VEPH1: variants seen among roughly 807,000 people sequenced by gnomAD.
The protein encoded by VEPH1 is ventricular zone expressed PH domain containing 1.
Under a neutral mutation model 85.2 loss-of-function variants are expected in VEPH1, and 80 were observed. That is an observed-to-expected ratio of 0.94 (90% CI 0.78 to 1.13). The LOEUF (loss-of-function observed/expected upper bound fraction) is 1.13. Among genes scored for constraint, VEPH1 ranks in the 50% most tolerant of loss-of-function variants. The probability of loss-of-function intolerance (pLI) is 0.00; values close to 1 mark genes in which losing one functional copy is unlikely to be tolerated. For synonymous variants in VEPH1, 297 were observed against 348.0 expected (o/e 0.85, Z 1.63); for missense variants, 955 against 980.5 (o/e 0.97, Z 0.35).
At chr3:157,468,961 A>G (rs1736658142) in intron 3 of VEPH1, among the ~76,000 whole-genome samples, 1 of 152,182 alleles carries the variant, frequency 6.6e-6, no homozygotes, top group Admixed American at 6.5e-5. Flanking sequence ...TCTATTCGAT[A>G]GTGCTGCCCT....
chr3:157,370,285 G>A (rs986406861), intron 7 of VEPH1, among the ~76,000 whole-genome samples: 11 of 152,108 alleles, frequency 7.2e-5, no homozygotes, highest in Non-Finnish European at 1.5e-5. Context: ...GGCAGGGGGT[G>A]GAAAGATTGG....
intron 9 of VEPH1, among the ~76,000 whole-genome samples, chr3:157,329,610 AAC>A (rs1722282713): frequency 6.8e-6 from 1 of 146,076 alleles, no homozygotes; most frequent in Non-Finnish European, 1.5e-5. Context: ...ATTAATATTA[AAC>A]AGAGTTGCCT....
At chr3:157,334,506 T>G (rs899782902) in intron 9 of VEPH1, among the ~76,000 whole-genome samples, 7 of 152,176 alleles carry the variant, frequency 4.6e-5, no homozygotes, top group African/African-American at 1.7e-4. Context: ...GCCATTAAGC[T>G]TGAGGAAGGT....
At chr3:157,262,214 A>G (rs1209397534) in intron 13 of VEPH1, among the ~76,000 whole-genome samples, 1 of 152,110 alleles carries the variant, frequency 6.6e-6, no homozygotes, top group Non-Finnish European at 1.5e-5. Flanking sequence ...CAAAAAAGCA[A>G]TTCCAACTAT....
At chr3:157,363,048 A>G (rs181265646) in intron 9 of VEPH1, among the ~76,000 whole-genome samples, 22 of 152,276 alleles carry the variant, frequency 1.4e-4, no homozygotes, top group African/African-American at 4.3e-4. Flanking sequence ...AGCCGGCTTC[A>G]GGGTCACAGA....
At position 157,471,962 on chromosome 3, in the gene VEPH1, A is replaced by G. The variant is rs557672550; in HGVS notation, c.139-1433T>C. ...TTGAAAGGTAATACATAAACATCGT[A>G]CAAAAATTCAAAAGATGCAAAGAAA... On this transcript the variant is annotated intron_variant, in intron 2 of 13. Coordinates refer to ENST00000362010, the MANE Select transcript of VEPH1 (RefSeq NM_001167912.2). 7.2e-5 allele frequency among the ~76,000 whole-genome samples: 11 copies of G among 152,294 alleles called. No individual in the cohort carries two copies. The South Asian group carries it at 2.3e-3, about 32-fold the overall frequency.
At chr3:157,353,338 T>C (rs549954434) in intron 9 of VEPH1, among the ~76,000 whole-genome samples, 348 of 152,214 alleles carry the variant, frequency 2.3e-3, no homozygotes, top group African/African-American at 7.9e-3. Context: ...AGTGGCGCAA[T>C]CTTGGCTCAA....
intron 9 of VEPH1, among the ~76,000 whole-genome samples, chr3:157,359,764 A>T (rs951962572): frequency 6.6e-6 from 1 of 152,210 alleles, no homozygotes; most frequent in African/African-American, 2.4e-5. Flanking sequence ...GTGGAACCAT[A>T]TGAAATTGAT....
intron 4 of VEPH1, among the ~76,000 whole-genome samples, chr3:157,432,412 A>T: frequency 6.6e-6 from 1 of 151,808 alleles, no homozygotes; most frequent in East Asian, 1.9e-4. Context: ...ATTCTCCTAT[A>T]TTTTCTCTTA....
chr3:157,340,774 C>T (rs555189061), intron 9 of VEPH1, among the ~76,000 whole-genome samples: 1 of 152,202 alleles, frequency 6.6e-6, no homozygotes, highest in East Asian at 1.9e-4. Context: ...AGGCACCCCC[C>T]AGTAGGGGCA....
At chr3:157,334,335 T>C (rs1165890959) in intron 9 of VEPH1, among the ~76,000 whole-genome samples, 4 of 152,130 alleles carry the variant, frequency 2.6e-5, no homozygotes, top group African/African-American at 9.7e-5. Context: ...TTTTAGAAAA[T>C]AATTCTAGTC....
chr3:157,365,879 C>T (rs1032879809), intron 7 of VEPH1, among the ~76,000 whole-genome samples: 33 of 152,114 alleles, frequency 2.2e-4, no homozygotes, highest in African/African-American at 5.1e-4. Context: ...GTTATTATGA[C>T]GGTTTCATTA....
chr3:157,369,308 A>C (rs769108974), intron 7 of VEPH1, among the ~76,000 whole-genome samples: 7 of 151,550 alleles, frequency 4.6e-5, no homozygotes, highest in Non-Finnish European at 1.0e-4. Context: ...AAATGTGGAG[A>C]GAAGCAGGGA....
chr3:157,267,773 C>A (rs1018152128), intron 12 of VEPH1, among the ~76,000 whole-genome samples: 7 of 152,082 alleles, frequency 4.6e-5, no homozygotes, highest in Non-Finnish European at 1.0e-4. Flanking sequence ...GTCTCAAAAA[C>A]CAAACAAACA....
At chr3:157,307,526 A>G (rs966372197) in intron 11 of VEPH1, among the ~76,000 whole-genome samples, 1 of 151,848 alleles carries the variant, frequency 6.6e-6, no homozygotes, top group South Asian at 2.1e-4. Flanking sequence ...CTCTTCGCTG[A>G]TTTGTAATCC....
intron 9 of VEPH1, among the ~76,000 whole-genome samples, chr3:157,357,791 T>G (rs1454201978): frequency 6.6e-6 from 1 of 152,246 alleles, no homozygotes; most frequent in African/African-American, 2.4e-5. Context: ...AGCCACTGCA[T>G]CCGGCCAGAA....
intron 6 of VEPH1, among the ~76,000 whole-genome samples, chr3:157,386,807 G>A (rs908464019): frequency 1.3e-5 from 2 of 152,154 alleles, no homozygotes; most frequent in African/African-American, 4.8e-5. Flanking sequence ...GTCTTGGTTT[G>A]TGCCTAGGCA....
intron 4 of VEPH1, chr3:157,443,094 G>A: frequency 8.1e-7 from 1 of 1,238,816 alleles, no homozygotes; most frequent in South Asian, 1.6e-5. Flanking sequence ...TAATGAAAGA[G>A]AGAGTTGAGA....
chr3:157,286,903 A>G (rs993492456), intron 11 of VEPH1, among the ~76,000 whole-genome samples: 2 of 152,210 alleles, frequency 1.3e-5, no homozygotes, highest in African/African-American at 2.4e-5. Flanking sequence ...CACAGGCCCC[A>G]GGGCTGAGTG....
Sources: gnomAD v4.1 joint callset for allele counts (sites outside exome capture counted in the v4.1 genomes callset) on GRCh38, gnomAD v4.1.1 for gene constraint, MANE v1.5 for transcripts, NCBI Gene and HGNC (gene_info 2026-07-23, HGNC 2026-07-21) for gene names.